ANTXR1: variants seen among roughly 807,000 people sequenced by gnomAD.
ANTXR1 encodes the protein ANTXR cell adhesion molecule 1.
ANTXR1 carries 19 observed loss-of-function variants against 78.1 expected under a neutral mutation model. The ratio of observed to expected loss-of-function variants is 0.24; its 90% CI spans 0.17 to 0.36. The LOEUF (loss-of-function observed/expected upper bound fraction) is 0.36. Among genes scored for constraint, ANTXR1 ranks in the 10% least tolerant of loss-of-function variants. The pLI, the probability that ANTXR1 is intolerant of heterozygous loss-of-function variation, is 1.00. For synonymous variants in ANTXR1, 273 were observed against 260.5 expected (o/e 1.05, Z -0.46); for missense variants, 518 against 718.6 (o/e 0.72, Z 3.19).
At chr2:69,074,558 A>G (rs1452989844) in intron 6 of ANTXR1, among the ~76,000 whole-genome samples, 1 of 152,228 alleles carries the variant, frequency 6.6e-6, no homozygotes, top group African/African-American at 2.4e-5. Context: ...CTTCTTGACA[A>G]TTCTATATAA....
At chr2:69,076,045 A>G (rs188999313) in intron 7 of ANTXR1, among the ~76,000 whole-genome samples, 2 of 152,304 alleles carry the variant, frequency 1.3e-5, no homozygotes, top group African/African-American at 4.8e-5. Flanking sequence ...TCCCAGGCTT[A>G]AGTGATCCTC....
intron 10 of ANTXR1, 129 bp downstream of exon 10, chr2:69,103,069 C>T: frequency 1.0e-6 from 1 of 989,954 alleles, no homozygotes; most frequent in Non-Finnish European, 1.6e-6. Flanking sequence ...TGGAAAGACC[C>T]CCAGCAAGGG....
rs189436763 is a variant in ANTXR1, at chr2:69,068,145, C to T, written c.297-2502C>T. Among the ~76,000 whole-genome samples, 508 of 152,262 alleles carry T rather than the reference C, an allele frequency of 3.3e-3. 2 individuals are homozygous for T. The highest frequency in any genetic ancestry group is 3.3e-3 in the Non-Finnish European group (225 of 68,028). On this transcript the variant is annotated intron_variant, in intron 3 of 17. Transcript: ENST00000303714. ...TGGAGACATCCATTCCCTCCACTCACCCCTTCAGTAAGTATTTGTTGAAAG... is the reference window on the plus strand; with the variant it reads ...TGGAGACATCCATTCCCTCCACTCATCCCTTCAGTAAGTATTTGTTGAAAG...
At chr2:69,167,514 C>T (rs752501714) in intron 13 of ANTXR1, among the ~76,000 whole-genome samples, 10 of 152,226 alleles carry the variant, frequency 6.6e-5, no homozygotes, top group Non-Finnish European at 1.5e-4. Flanking sequence ...GGCCCACTCA[C>T]GGACAGCCTA....
At chr2:69,038,299 TAATAAG>T (rs978718612) in intron 1 of ANTXR1, among the ~76,000 whole-genome samples, 1 of 152,190 alleles carries the variant, frequency 6.6e-6, no homozygotes, top group African/African-American at 2.4e-5. Context: ...TTTTAATAGT[TAATAAG>T]AAATATTAAA....
intron 17 of ANTXR1, among the ~76,000 whole-genome samples, chr2:69,205,125 G>A (rs1674864084): frequency 6.6e-6 from 1 of 152,178 alleles, no homozygotes; most frequent in Non-Finnish European, 1.5e-5. Flanking sequence ...GATAGTATGA[G>A]GGGGAGTTTG....
intron 13 of ANTXR1, among the ~76,000 whole-genome samples, chr2:69,154,691 T>A (rs1253591900): frequency 6.6e-6 from 1 of 152,172 alleles, no homozygotes; most frequent in African/African-American, 2.4e-5. Context: ...CAGAGCCGCA[T>A]CTCCGTGCTG....
chr2:69,226,835 C>G (rs1558659288), intron 17 of ANTXR1, among the ~76,000 whole-genome samples: 1 of 152,140 alleles, frequency 6.6e-6, no homozygotes, highest in African/African-American at 2.4e-5. Flanking sequence ...AAAGATTTAA[C>G]ATATATATTT....
chr2:69,141,181 A>T (rs1263945969), intron 12 of ANTXR1, among the ~76,000 whole-genome samples: 1 of 152,102 alleles, frequency 6.6e-6, no homozygotes, highest in Non-Finnish European at 1.5e-5. Context: ...AATCAACTTC[A>T]TTTACTTTGG....
chr2:69,164,031 T>C (rs895489230), intron 13 of ANTXR1, among the ~76,000 whole-genome samples: 2 of 152,224 alleles, frequency 1.3e-5, no homozygotes, highest in African/African-American at 4.8e-5. Flanking sequence ...AGTCACAAGT[T>C]ACATATCTGT....
At chr2:69,245,085 G>A in intron 17 of ANTXR1, 140 bp from the exon 18 acceptor site, 1 of 950,248 alleles carries the variant, frequency 1.1e-6, no homozygotes, top group Non-Finnish European at 1.7e-6. Context: ...TTGTCCTCAA[G>A]TTCTACTATG....
chr2:69,075,338 C>T (rs1670696812), intron 6 of ANTXR1, among the ~76,000 whole-genome samples: 1 of 152,198 alleles, frequency 6.6e-6, no homozygotes, highest in Admixed American at 6.5e-5. Flanking sequence ...TTCCCTTCCT[C>T]CCCTCATCTT....
intron 17 of ANTXR1, among the ~76,000 whole-genome samples, chr2:69,202,217 G>C (rs73934799): frequency 0.03 from 4,526 of 152,276 alleles, 253 homozygotes; most frequent in African/African-American, 0.1. Context: ...AGACGACTAA[G>C]AAGGACCAGC....
At chr2:69,032,794 C>T (rs1392495356) in intron 1 of ANTXR1, among the ~76,000 whole-genome samples, 2 of 151,980 alleles carry the variant, frequency 1.3e-5, no homozygotes, top group Admixed American at 6.6e-5. Context: ...TCGAAAAAGG[C>T]AGAGTGGAGT....
At chr2:69,071,686 A>G in intron 4 of ANTXR1, 68 bp from the exon 5 acceptor site, 1 of 1,497,204 alleles carries the variant, frequency 6.7e-7, no homozygotes, top group South Asian at 1.1e-5. Flanking sequence ...AGAGCCCATT[A>G]TCCACTATGG....
intron 8 of ANTXR1, among the ~76,000 whole-genome samples, chr2:69,080,684 T>C (rs916352521): frequency 2.0e-5 from 3 of 152,008 alleles, no homozygotes; most frequent in Non-Finnish European, 4.4e-5. Context: ...CATGTGGAAT[T>C]AAAATTGTGA....
intron 3 of ANTXR1, among the ~76,000 whole-genome samples, chr2:69,060,672 A>G (rs984850240): frequency 6.6e-6 from 1 of 152,200 alleles, no homozygotes; most frequent in Non-Finnish European, 1.5e-5. Context: ...TCTTATGCTG[A>G]AAGAGGTTGA....
intron 1 of ANTXR1, 24 bp from the exon 2 acceptor site, chr2:69,040,004 AAACACCTGAGTCACGC>A: frequency 6.4e-7 from 1 of 1,557,530 alleles, no homozygotes; most frequent in Non-Finnish European, 8.9e-7. Context: ...AAAGACAAGT[AAACACCTGAGTCACGC>A]AACACCTGCT....
intron 13 of ANTXR1, among the ~76,000 whole-genome samples, chr2:69,156,252 A>G (rs1021963810): frequency 5.9e-5 from 9 of 152,184 alleles, no homozygotes; most frequent in Non-Finnish European, 8.8e-5. Flanking sequence ...CTGCTGTTCT[A>G]TCTCCGTGAG....
Sources: gnomAD v4.1 joint callset for allele counts (sites outside exome capture counted in the v4.1 genomes callset) on GRCh38, gnomAD v4.1.1 for gene constraint, MANE v1.5 for transcripts, NCBI Gene and HGNC (gene_info 2026-07-23, HGNC 2026-07-21) for gene names.